NCAM2: variants seen among roughly 807,000 people sequenced by gnomAD.
The protein encoded by NCAM2 is N-CAM-2.
Under a neutral mutation model 98.1 loss-of-function variants are expected in NCAM2, and 30 were observed. The observed-to-expected ratio is 0.31, with a 90% CI of 0.23 to 0.41. The LOEUF (loss-of-function observed/expected upper bound fraction) is 0.41. Among genes scored for constraint, NCAM2 ranks in the 10% least tolerant of loss-of-function variants. The pLI is 1.00. For missense variants in NCAM2, 867 were observed against 1,005.8 expected, an observed-to-expected ratio of 0.86 and a Z score of 1.87; for synonymous variants, 368 against 342.4, an observed-to-expected ratio of 1.07 and a Z score of -0.83.
At chr21:21,129,455 A>G (rs1479904410) in intron 1 of NCAM2, among the ~76,000 whole-genome samples, 1 of 152,016 alleles carries the variant, frequency 6.6e-6, no homozygotes, top group Non-Finnish European at 1.5e-5. Flanking sequence ...AATATTGTCT[A>G]TTTTCTACTG....
chr21:21,247,545 C>T (rs371928597), intron 1 of NCAM2, among the ~76,000 whole-genome samples: 24 of 152,076 alleles, frequency 1.6e-4, no homozygotes, highest in African/African-American at 5.3e-4. Flanking sequence ...TGAAATATAG[C>T]TACCCTATAA....
At chr21:21,444,795 A>G (rs1979846523) in intron 12 of NCAM2, among the ~76,000 whole-genome samples, 1 of 152,018 alleles carries the variant, frequency 6.6e-6, no homozygotes, top group Non-Finnish European at 1.5e-5. Flanking sequence ...TCCTGGATTC[A>G]TTGATTTTTT....
chr21:21,023,209 G>A lies in NCAM2; in HGVS notation c.55+24591G>A, dbSNP rs372554451. On this transcript the variant is annotated intron_variant, in intron 1 of 17. Transcript: ENST00000400546. ...ACTATAATTCTTATTATGAAATGAG[G>A]TAACTGTACTAGTTATTAAGAAGGA... Among the ~76,000 whole-genome samples, 185 of 152,258 alleles carry A rather than the reference G, an allele frequency of 1.2e-3. 1 individual carries two copies. The highest frequency in any genetic ancestry group is 1.9e-3 in the Admixed American group (29 of 15,288).
At chr21:21,104,329 A>C (rs867603805) in intron 1 of NCAM2, among the ~76,000 whole-genome samples, 1 of 152,158 alleles carries the variant, frequency 6.6e-6, no homozygotes, top group East Asian at 1.9e-4. Flanking sequence ...CAAATGCAAA[A>C]TACATAGGAT....
At chr21:21,254,936 A>G (rs1174601548) in intron 1 of NCAM2, among the ~76,000 whole-genome samples, 1 of 129,162 alleles carries the variant, frequency 7.7e-6, no homozygotes, top group Non-Finnish European at 1.6e-5. Context: ...ATGTGTACCC[A>G]CATAGCATAT....
In NCAM2 at chr21:21,014,036, A is replaced by G. The variant is rs563861584; in HGVS notation, c.55+15418A>G. On this transcript the variant is annotated intron_variant, in intron 1 of 17. Coordinates refer to ENST00000400546, the MANE Select transcript of NCAM2 (RefSeq NM_004540.5). The stretch of plus-strand genomic sequence containing the variant: ...TTTCTTAGCTAGAGAAGAGAAGTCA[A>G]TGCTTGGCTTCAAAGTTGCAAAGGA... Among the ~76,000 whole-genome samples the G allele has an allele frequency of 9.8e-5, 15 of 152,348 alleles. No individual in the cohort carries two copies. In the South Asian group the frequency reaches 1.2e-3, roughly 13 times the overall value.
chr21:21,050,433 A>G (rs1302912458), intron 1 of NCAM2, among the ~76,000 whole-genome samples: 1 of 152,200 alleles, frequency 6.6e-6, no homozygotes, highest in African/African-American at 2.4e-5. Flanking sequence ...TGGTCAAAGT[A>G]AAGAAGGCAC....
At chr21:21,504,447 T>TA (rs11463716) in intron 15 of NCAM2, among the ~76,000 whole-genome samples, 151,920 of 151,920 alleles carry the variant, frequency 1, 75,960 homozygotes, top group Non-Finnish European at 1. Context: ...TCCTAAGTAA[T>TA]AAACCATGAT....
intron 11 of NCAM2, among the ~76,000 whole-genome samples, chr21:21,420,760 T>G (rs1426097361): frequency 6.6e-6 from 1 of 151,766 alleles, no homozygotes; most frequent in Non-Finnish European, 1.5e-5. Context: ...GAAAAGAGAT[T>G]ACATGGAAGG....
intron 8 of NCAM2, among the ~76,000 whole-genome samples, chr21:21,355,612 G>GTTATTA (rs1160396964): frequency 1.3e-5 from 2 of 150,366 alleles, no homozygotes; most frequent in East Asian, 2.0e-4. Context: ...TTTTATTGCT[G>GTTATTA]TTATTATTAT....
chr21:21,213,536 G>C (rs1308246242), intron 1 of NCAM2, among the ~76,000 whole-genome samples: 2 of 152,100 alleles, frequency 1.3e-5, no homozygotes, highest in Non-Finnish European at 2.9e-5. Context: ...AAAGGCACTG[G>C]GTAGATGCTA....
At chr21:21,088,675 T>G (rs1320250830) in intron 1 of NCAM2, among the ~76,000 whole-genome samples, 1 of 152,150 alleles carries the variant, frequency 6.6e-6, no homozygotes, top group Non-Finnish European at 1.5e-5. Flanking sequence ...GCAAACTTAG[T>G]TGAGCCTTTC....
chr21:21,473,313 A>T (rs927258422), intron 14 of NCAM2, among the ~76,000 whole-genome samples: 4 of 126,932 alleles, frequency 3.2e-5, no homozygotes, highest in Admixed American at 2.4e-4. Flanking sequence ...TATATATATA[A>T]AAATATATGC....
intron 1 of NCAM2, among the ~76,000 whole-genome samples, chr21:21,025,614 AGG>A (rs1232899240): frequency 2.6e-4 from 23 of 87,590 alleles, no homozygotes; most frequent in Non-Finnish European, 4.9e-4. Flanking sequence ...TTTGTGTCCC[AGG>A]AATTTATTCT....
chr21:21,218,545 A>G (rs1364208920), intron 1 of NCAM2, among the ~76,000 whole-genome samples: 1 of 152,224 alleles, frequency 6.6e-6, no homozygotes, highest in East Asian at 1.9e-4. Flanking sequence ...AAAGATTATT[A>G]TATAATAAAA....
rs1372822039 is a variant in NCAM2 at position 21,246,180 on chromosome 21, T to C, written c.56-34398T>C. Among the ~76,000 whole-genome samples the C allele has an allele frequency of 2.0e-5, 3 of 152,102 alleles. No individual in the cohort carries two copies. The East Asian group carries it at 5.8e-4, about 29-fold the overall frequency. The stretch of plus-strand genomic sequence containing the variant: ...CCACTCAACCAGCCCATGAAGAGTC[T>C]CATGGGAATTGAGGTTTCTTACTGC... On this transcript the variant is annotated intron_variant, in intron 1 of 17. Coordinates refer to ENST00000400546, the MANE Select transcript of NCAM2 (RefSeq NM_004540.5).
At chr21:21,464,057 G>A (rs1324206862) in intron 12 of NCAM2, among the ~76,000 whole-genome samples, 1 of 152,022 alleles carries the variant, frequency 6.6e-6, no homozygotes, top group African/African-American at 2.4e-5. Flanking sequence ...ATTTGCAATT[G>A]AAAGTGCATG....
chr21:21,243,813 T>C (rs2071162616), intron 1 of NCAM2, among the ~76,000 whole-genome samples: 1 of 152,168 alleles, frequency 6.6e-6, no homozygotes, highest in African/African-American at 2.4e-5. Context: ...TAGAGGGTTG[T>C]ATCGGTCCTA....
chr21:21,175,768 G>C (rs1257680946), intron 1 of NCAM2, among the ~76,000 whole-genome samples: 1 of 152,098 alleles, frequency 6.6e-6, no homozygotes, highest in Non-Finnish European at 1.5e-5. Context: ...AGAGATTTGT[G>C]AAGTAAAATT....
Sources: gnomAD v4.1 joint callset for allele counts (sites outside exome capture counted in the v4.1 genomes callset) on GRCh38, gnomAD v4.1.1 for gene constraint, MANE v1.5 for transcripts, NCBI Gene and HGNC (gene_info 2026-07-23, HGNC 2026-07-21) for gene names.